The following LRRTM4 variants were observed in gnomAD, a reference collection of about 807,000 sequenced individuals.
The protein encoded by LRRTM4 is leucine-rich repeat transmembrane neuronal protein 4.
A neutral mutation model predicts 47.6 loss-of-function variants in LRRTM4; 25 were observed. The ratio of observed to expected loss-of-function variants is 0.53; its 90% CI spans 0.38 to 0.73. The LOEUF (loss-of-function observed/expected upper bound fraction) is 0.73. Among genes scored for constraint, LRRTM4 ranks in the 30% least tolerant of loss-of-function variants. LRRTM4 has a pLI of 0.00. For missense variants in LRRTM4, 638 were observed against 713.4 expected (o/e 0.89, Z 1.20); for synonymous variants, 311 against 269.5 (o/e 1.15, Z -1.51).
intron 3 of LRRTM4, among the ~76,000 whole-genome samples, chr2:77,157,264 G>C (rs1258051180): frequency 6.6e-6 from 1 of 152,134 alleles, no homozygotes; most frequent in African/African-American, 2.4e-5. Flanking sequence ...ATGGGGAAGG[G>C]AGAAAGTGAA....
At chr2:77,034,821 A>G (rs1328059380) in intron 3 of LRRTM4, among the ~76,000 whole-genome samples, 3 of 151,892 alleles carry the variant, frequency 2.0e-5, no homozygotes, top group East Asian at 1.9e-4. Context: ...CAAAATTATG[A>G]CATTCTAATT....
At chr2:77,453,176 A>ATTTTTTTTTTTTTTTTTTTTTTTTTAT (rs1162461607) in intron 3 of LRRTM4, among the ~76,000 whole-genome samples, 1 of 99,506 alleles carries the variant, frequency 1.0e-5, no homozygotes. Context: ...TTTCTTCTTG[A>ATTTTTTTTTTTTTTTTTTTTTTTTTAT]TTTTTTTTTT....
chr2:77,046,699 A>G (rs1158450006), intron 3 of LRRTM4, among the ~76,000 whole-genome samples: 2 of 152,006 alleles, frequency 1.3e-5, no homozygotes, highest in Non-Finnish European at 2.9e-5. Flanking sequence ...TCAAAATTTT[A>G]AAAAGCATAG....
chr2:77,245,709 A>G (rs1167030022), intron 3 of LRRTM4, among the ~76,000 whole-genome samples: 1 of 152,074 alleles, frequency 6.6e-6, no homozygotes, highest in Non-Finnish European at 1.5e-5. Context: ...AATCTAGCTT[A>G]TGAAAATAGA....
chr2:77,093,768 T>A (rs1256358466), intron 3 of LRRTM4, among the ~76,000 whole-genome samples: 5 of 151,648 alleles, frequency 3.3e-5, no homozygotes, highest in Admixed American at 6.6e-5. Context: ...AAGAAGTGAA[T>A]ATGCCCTGCC....
At chr2:77,205,512 C>T (rs529341738) in intron 3 of LRRTM4, among the ~76,000 whole-genome samples, 2 of 152,214 alleles carry the variant, frequency 1.3e-5, no homozygotes, top group East Asian at 3.9e-4. Flanking sequence ...ACACACAACA[C>T]ATGAAGACTC....
chr2:76,993,396 A>C (rs1271387042), intron 3 of LRRTM4, among the ~76,000 whole-genome samples: 2 of 151,972 alleles, frequency 1.3e-5, no homozygotes, highest in Non-Finnish European at 2.9e-5. Context: ...TCCATAAGGA[A>C]CTTAAATATC....
At chr2:76,873,500 A>ATGTGTGTGTATATATATATG (rs374256776) in intron 3 of LRRTM4, among the ~76,000 whole-genome samples, 5 of 103,380 alleles carry the variant, frequency 4.8e-5, no homozygotes, top group African/African-American at 2.1e-4. Context: ...GTGTATATAT[A>ATGTGTGTGTATATATATATG]TGTGTGTATA....
At position 76,818,575 on chromosome 2, in the gene LRRTM4, C is replaced by T. The variant is rs553449468; in HGVS notation, c.1552-69659G>A. Among the ~76,000 whole-genome samples the T allele has an allele frequency of 3.3e-5, 5 of 151,770 alleles. No individual in the cohort carries two copies. In the South Asian group the frequency reaches 1.0e-3, roughly 32 times the overall value. ...TTTTCAATTCCTCACAAATAGAATA[C>T]TGATGCTTTGCAAATTCTCACTCTA... On this transcript the variant is annotated intron_variant, in intron 3 of 3. Transcript: ENST00000409884.
At chr2:77,125,163 A>G (rs1401657708) in intron 3 of LRRTM4, among the ~76,000 whole-genome samples, 1 of 152,196 alleles carries the variant, frequency 6.6e-6, no homozygotes, top group African/African-American at 2.4e-5. Context: ...TTGGCCACAC[A>G]CATCTGCTGG....
At chr2:76,954,704 T>A (rs1675612680) in intron 3 of LRRTM4, among the ~76,000 whole-genome samples, 2 of 151,696 alleles carry the variant, frequency 1.3e-5, no homozygotes, top group Non-Finnish European at 2.9e-5. Flanking sequence ...GAATTAGAAC[T>A]GAAATGAACA....
chr2:76,753,432 T>C (rs1327109648), intron 3 of LRRTM4, among the ~76,000 whole-genome samples: 1 of 152,190 alleles, frequency 6.6e-6, no homozygotes, highest in Non-Finnish European at 1.5e-5. Flanking sequence ...GCTCATAGAT[T>C]GGCTCATTAA....
chr2:77,077,547 C>T (rs1322789849), intron 3 of LRRTM4, among the ~76,000 whole-genome samples: 1 of 152,086 alleles, frequency 6.6e-6, no homozygotes, highest in Non-Finnish European at 1.5e-5. Flanking sequence ...GTGGAAAACC[C>T]AGTTCATTGG....
rs1419199305 is a variant in LRRTM4 at position 76,907,781 on chromosome 2, A to G, written c.1552-158865T>C. Among the ~76,000 whole-genome samples the G allele has an allele frequency of 3.8e-5, 5 of 132,886 alleles. No individual in the cohort carries two copies. The Admixed American group carries it at 3.9e-4, about 10-fold the overall frequency. The allele number at this position is 132,886 out of a possible 152,430, so 87.2% of individuals were successfully genotyped here. A position where few individuals can be genotyped will look rare whatever the true frequency, so the allele number is the denominator to read the frequency against. ...ATTCCTCGACACATACACTCTCCCA[A>G]GACTAAACCAGGAAGAAGTTGAATC... On this transcript the variant is annotated intron_variant, in intron 3 of 3. Transcript: ENST00000409884.
At chr2:77,023,797 T>C (rs1678356453) in intron 3 of LRRTM4, among the ~76,000 whole-genome samples, 1 of 152,200 alleles carries the variant, frequency 6.6e-6, no homozygotes, top group Non-Finnish European at 1.5e-5. Context: ...TGTCTTCTTT[T>C]GGGCCCTCCA....
intron 3 of LRRTM4, among the ~76,000 whole-genome samples, chr2:77,206,250 C>T (rs1301649189): frequency 6.7e-6 from 1 of 150,218 alleles, no homozygotes; most frequent in Non-Finnish European, 1.5e-5. Context: ...GCAATCTTTG[C>T]TCCCTGTAAC....
At chr2:76,754,992 C>A (rs1438107844) in intron 3 of LRRTM4, among the ~76,000 whole-genome samples, 1 of 152,166 alleles carries the variant, frequency 6.6e-6, no homozygotes, top group African/African-American at 2.4e-5. Context: ...ATATTGCCAA[C>A]CTCCACAGAC....
chr2:77,123,039 G>T (rs1671559617), intron 3 of LRRTM4, among the ~76,000 whole-genome samples: 1 of 151,518 alleles, frequency 6.6e-6, no homozygotes, highest in Admixed American at 6.6e-5. Context: ...AAATGATTAG[G>T]ATCAATTCAA....
chr2:77,130,605 G>A (rs1011694592), intron 3 of LRRTM4, among the ~76,000 whole-genome samples: 22 of 151,026 alleles, frequency 1.5e-4, no homozygotes, highest in Non-Finnish European at 1.5e-5. Context: ...TCCGCCTCCC[G>A]GGTTCACACC....
Sources: allele counts gnomAD v4.1 joint callset (sites outside exome capture counted in the v4.1 genomes callset), GRCh38; gene constraint gnomAD v4.1.1; transcripts MANE v1.5; gene names NCBI Gene and HGNC (gene_info 2026-07-23, HGNC 2026-07-21).